Variants in SLCO3A1 observed in about 807,000 individuals in gnomAD.
SLCO3A1 encodes solute carrier organic anion transporter family member 3A1.
In SLCO3A1, 27 loss-of-function variants were observed where a neutral mutation model predicts 63.1. That is an observed-to-expected ratio of 0.43 (90% CI 0.32 to 0.59). SLCO3A1 has a LOEUF of 0.59. Among genes scored for constraint, SLCO3A1 ranks in the 20% least tolerant of loss-of-function variants. SLCO3A1 has a pLI of 0.09. For missense variants in SLCO3A1, 773 were observed against 945.8 expected (o/e 0.82, Z 2.40); for synonymous variants, 473 against 409.9 (o/e 1.15, Z -1.86).
chr15:92,100,172 G>A (rs1245631595), intron 3 of SLCO3A1, among the ~76,000 whole-genome samples: 1 of 139,192 alleles, frequency 7.2e-6, no homozygotes, highest in African/African-American at 2.5e-5. Flanking sequence ...GCTGTGCCTG[G>A]CTTCATGACA....
At position 91,973,109 on chromosome 15, in the gene SLCO3A1, G is replaced by A. The variant is rs185834644; in HGVS notation, c.646+56651G>A. Among the ~76,000 whole-genome samples, 229 of 152,338 alleles carry A rather than the reference G, an allele frequency of 1.5e-3. 1 individual carries two copies. The highest frequency in any genetic ancestry group is 1.3e-3 in the Non-Finnish European group (87 of 68,026). On this transcript the variant is annotated intron_variant, in intron 2 of 9. Coordinates refer to ENST00000318445, the MANE Select transcript of SLCO3A1 (RefSeq NM_013272.4). ...CAGTCTGGCAACAGAGCAAGACTCC[G>A]TCTCAAAAAGAAAAGAAAAGGGCAA... is the stretch of plus-strand genomic sequence containing the variant.
intron 4 of SLCO3A1, among the ~76,000 whole-genome samples, chr15:92,111,611 T>C (rs1372631615): frequency 1.3e-5 from 2 of 152,142 alleles, no homozygotes; most frequent in Non-Finnish European, 2.9e-5. Flanking sequence ...CTTATCAATA[T>C]TGATTGATAG....
intron 4 of SLCO3A1, 102 bp downstream of exon 4, chr15:92,104,644 G>A: frequency 1.7e-6 from 2 of 1,208,114 alleles, no homozygotes; most frequent in Non-Finnish European, 2.3e-6. Context: ...TTGGGGACTT[G>A]GTGGAGGCAG....
At chr15:92,131,266 C>T (rs913959735) in intron 7 of SLCO3A1, among the ~76,000 whole-genome samples, 1 of 152,020 alleles carries the variant, frequency 6.6e-6, no homozygotes. Flanking sequence ...TTTTTTCTAC[C>T]TCTTCAAACA....
At chr15:91,864,984 C>A (rs1338013904) in intron 1 of SLCO3A1, among the ~76,000 whole-genome samples, 1 of 152,246 alleles carries the variant, frequency 6.6e-6, no homozygotes, top group Admixed American at 6.5e-5. Flanking sequence ...ACCTAGGCCA[C>A]TCCTGAGTGG....
chr15:92,135,792 G>C (rs1200430882), intron 7 of SLCO3A1, among the ~76,000 whole-genome samples: 1 of 152,196 alleles, frequency 6.6e-6, no homozygotes, highest in African/African-American at 2.4e-5. Context: ...AGGTGCAAAA[G>C]ATCAAAGATC....
chr15:92,162,885 G>A lies in SLCO3A1; in HGVS notation c.1883G>A (p.Ser628Asn). 1 of 1,614,234 alleles carries A rather than the reference G, an allele frequency of 6.2e-7. No individual in the cohort carries two copies. Among genetic ancestry groups the A allele is most frequent in the Non-Finnish European group, 8.5e-7 (1 of 1,180,048 alleles). Residue 628 changes from serine to asparagine, a missense_variant, in exon 10 of 10, where the codon AGC becomes AAC. Ser to Asn is a conservative substitution (Grantham distance 46). Around this residue, in one of 3 missense-constraint regions of SLCO3A1, gnomAD observed 139 missense variants for 131.4 expected, o/e 1.06. Coordinates refer to ENST00000318445, the MANE Select transcript of SLCO3A1 (RefSeq NM_013272.4). Reference protein sequence around the residue: ...DNVVYRYLYVSIAIALKSFAF... With the variant: ...DNVVYRYLYVNIAIALKSFAF... ...GTGGTCTACCGATACCTGTATGTCA[G>A]CATCGCCATCGCGCTCAAATCCTTC... is the stretch of plus-strand genomic sequence containing the variant.
rs753675177 is a variant in SLCO3A1 at position 91,948,365 on chromosome 15, T to C, written c.646+31907T>C. Among the ~76,000 whole-genome samples the C allele has an allele frequency of 9.2e-5, 14 of 152,288 alleles. No individual in the cohort carries two copies. Among genetic ancestry groups the C allele is most frequent in the Middle Eastern group, 3.4e-3 (1 of 294 alleles). ...CCAGAGCTCGAGCTGTTGCCAAGTT[T>C]AGAAGTGGCCGCATGTGTGGTGCCA... On this transcript the variant is annotated intron_variant, in intron 2 of 9. Transcript: ENST00000318445. The surrounding 1 kb of genome is among the most constrained non-coding windows in gnomAD (Gnocchi z 4.8).
At chr15:92,032,007 C>T (rs1191800203) in intron 2 of SLCO3A1, among the ~76,000 whole-genome samples, 1 of 152,118 alleles carries the variant, frequency 6.6e-6, no homozygotes, top group Non-Finnish European at 1.5e-5. Flanking sequence ...GTTCTGTCCA[C>T]TCTCAGGATT....
intron 4 of SLCO3A1, among the ~76,000 whole-genome samples, chr15:92,114,011 T>C (rs188771403): frequency 4.6e-5 from 7 of 152,330 alleles, no homozygotes; most frequent in Non-Finnish European, 4.4e-5. Context: ...GATGATTCTT[T>C]GTGAACTCCC....
At chr15:91,971,058 A>G (rs1900840903) in intron 2 of SLCO3A1, among the ~76,000 whole-genome samples, 1 of 152,144 alleles carries the variant, frequency 6.6e-6, no homozygotes, top group African/African-American at 2.4e-5. Flanking sequence ...AGGGTGGGGA[A>G]ACATTTGAGT....
At position 92,120,567 on chromosome 15, in the gene SLCO3A1, T is replaced by C; in HGVS notation, c.1112T>C (p.Phe371Ser). ...EIAVVAGFAA[F>S]LGKYLEQQFN... ...GCAGTGGTGGCTGGCTTCGCTGCCT[T>C]TTTGGGGAAGTACCTGGAGCAGCAG... Residue 371 changes from phenylalanine (F) to serine (S), a missense_variant, in exon 5 of 10, where the codon TTT (phenylalanine) becomes TCT (serine). Phe to Ser is a radical substitution (Grantham distance 155). Coordinates refer to ENST00000318445, the MANE Select transcript of SLCO3A1 (RefSeq NM_013272.4). 1 of 1,613,858 alleles carries C rather than the reference T, an allele frequency of 6.2e-7. No individual in the cohort carries two copies. The highest frequency in any genetic ancestry group is 8.5e-7 in the Non-Finnish European group (1 of 1,179,928).
chr15:91,912,842 T>A lies in SLCO3A1; in HGVS notation c.181-3151T>A, dbSNP rs1342924341. Reference sequence around the variant, plus strand: ...TTTCCACTTCTGCATCCAGTCCCCTTTGGACCTCTCAAGACTCACACAAAG... The same window carrying A: ...TTTCCACTTCTGCATCCAGTCCCCTATGGACCTCTCAAGACTCACACAAAG... On this transcript the variant is annotated intron_variant, in intron 1 of 9. Coordinates refer to ENST00000318445, the MANE Select transcript of SLCO3A1 (RefSeq NM_013272.4). This position sits in a 1 kb window ranked among gnomAD's most constrained non-coding sequence, Gnocchi z 5.0. Among the ~76,000 whole-genome samples, 1 of 152,130 alleles carries A rather than the reference T, an allele frequency of 6.6e-6. No individual in the cohort carries two copies. The highest frequency in any genetic ancestry group is 1.5e-5 in the Non-Finnish European group (1 of 68,006).
At chr15:92,069,048 A>G (rs2047184297) in intron 2 of SLCO3A1, among the ~76,000 whole-genome samples, 1 of 152,042 alleles carries the variant, frequency 6.6e-6, no homozygotes, top group Admixed American at 6.5e-5. Context: ...TCTTCCCCTC[A>G]ATAACTCCAT....
At chr15:92,092,846 G>A (rs533387154) in intron 2 of SLCO3A1, among the ~76,000 whole-genome samples, 7 of 152,180 alleles carry the variant, frequency 4.6e-5, no homozygotes, top group African/African-American at 9.6e-5. Flanking sequence ...TCATGTGAAC[G>A]TCACTCCTCT....
chr15:92,086,147 T>G (rs2047401596), intron 2 of SLCO3A1, among the ~76,000 whole-genome samples: 1 of 152,178 alleles, frequency 6.6e-6, no homozygotes, highest in Admixed American at 6.5e-5. Context: ...TGTGGGGTGT[T>G]TACCAAGGAC....
chr15:91,854,307 A>G lies in SLCO3A1; in HGVS notation c.180+219A>G. The G allele has an allele frequency of 1.8e-6, 2 of 1,103,752 alleles. No individual in the cohort carries two copies. Among genetic ancestry groups the G allele is most frequent in the Non-Finnish European group, 2.2e-6 (2 of 904,414 alleles). 68.4% of individuals were successfully genotyped at this position (1,103,752 alleles called of 1,614,324 possible). A position where few individuals can be genotyped will look rare whatever the true frequency, so the allele number is the denominator to read the frequency against. ...GGGCGGGACCGTTGATGCCGGTAGCAGCTCGCGCGCGTCCGGCTGGGGCAG... is the reference window on the plus strand; with the variant it reads ...GGGCGGGACCGTTGATGCCGGTAGCGGCTCGCGCGCGTCCGGCTGGGGCAG... On this transcript the variant is annotated intron_variant, in intron 1 of 9. Transcript: ENST00000318445. This position sits in a 1 kb window ranked among gnomAD's most constrained non-coding sequence, Gnocchi z 6.4.
intron 2 of SLCO3A1, among the ~76,000 whole-genome samples, chr15:92,063,797 C>T (rs7170953): frequency 0.43 from 65,807 of 151,914 alleles, 15,914 homozygotes; most frequent in Admixed American, 0.61. Flanking sequence ...TTGCAGTGAG[C>T]CAAGATCGCA....
At chr15:91,902,319 C>A (rs1202089473) in intron 1 of SLCO3A1, among the ~76,000 whole-genome samples, 1 of 152,076 alleles carries the variant, frequency 6.6e-6, no homozygotes, top group Non-Finnish European at 1.5e-5. Context: ...ACCCCAGCCT[C>A]CTGAGCAGCT....
Sources: gnomAD v4.1 joint callset for allele counts (sites outside exome capture counted in the v4.1 genomes callset) on GRCh38, gnomAD v4.1.1 for gene constraint, gnomAD v4.1.1 regional missense constraint, Gnocchi (gnomAD v3.1) non-coding constraint, MANE v1.5 for transcripts, NCBI Gene and HGNC (gene_info 2026-07-23, HGNC 2026-07-21) for gene names.